Variants in COL9A3 observed in about 807,000 individuals in gnomAD.
COL9A3 encodes collagen type IX alpha 3 chain.
In COL9A3, 82 loss-of-function variants were observed where a neutral mutation model predicts 110.2. The observed-to-expected ratio is 0.74, with a 90% CI of 0.62 to 0.89. The LOEUF is 0.89. Among genes scored for constraint, COL9A3 ranks in the 40% least tolerant of loss-of-function variants. The pLI is 0.00. For synonymous variants in COL9A3, 494 were observed against 403.8 expected (o/e 1.22, Z -2.68); for missense variants, 1,066 against 981.3 (o/e 1.09, Z -1.15).
chr20:62,827,367 G>T, intron 16 of COL9A3, 73 bp downstream of exon 16: 1 of 1,511,578 alleles, frequency 6.6e-7, no homozygotes, highest in South Asian at 1.1e-5. Flanking sequence ...CTCGTGCTGG[G>T]GAGGGGGACA....
At chr20:62,827,342 C>CA in intron 16 of COL9A3, 48 bp downstream of exon 16, 1 of 1,584,206 alleles carries the variant, frequency 6.3e-7, no homozygotes, top group Non-Finnish European at 8.7e-7. Context: ...TGGAAGAACC[C>CA]AATTTCCCTC....
intron 24 of COL9A3, chr20:62,831,595 A>T (rs2063597763): frequency 5.9e-6 from 1 of 170,704 alleles, no homozygotes; most frequent in African/African-American, 2.4e-5. Context: ...CCTCCGAGAG[A>T]TGGCAGGGCT....
chr20:62,824,413 G>T, intron 10 of COL9A3, 32 bp from the exon 11 acceptor site: 3 of 1,582,942 alleles, frequency 1.9e-6, no homozygotes, highest in East Asian at 4.6e-5. Context: ...CTGTTTGGCT[G>T]GGAGGGGTCT....
chr20:62,824,400 G>C, intron 10 of COL9A3, 45 bp from the exon 11 acceptor site: 1 of 1,564,812 alleles, frequency 6.4e-7, no homozygotes, highest in Non-Finnish European at 8.7e-7. Flanking sequence ...CGGACGTCCT[G>C]CTCTGTTTGG....
At position 62,840,632 on chromosome 20, in the gene COL9A3, C is replaced by T; in HGVS notation, c.1955C>T (p.Ala652Val). Residue 652 changes from alanine (A) to valine (V), a missense_variant, in exon 32 of 32, where the codon GCC (alanine) becomes GTC (valine). By Grantham distance (64) the Ala-to-Val change is moderately conservative. Transcript: ENST00000649368. ...CCCGGAGATCCTGGGCTTCCAGGTGCCATTGGGGCCCAGGGGACACCGGGG... is the reference window on the plus strand; with the variant it reads ...CCCGGAGATCCTGGGCTTCCAGGTGTCATTGGGGCCCAGGGGACACCGGGG... ...GPPGDPGLPG[A>V]IGAQGTPGIC... The T allele has an allele frequency of 1.2e-6, 2 of 1,612,082 alleles. No homozygotes were observed. Among genetic ancestry groups the T allele is most frequent in the Non-Finnish European group, 1.7e-6 (2 of 1,179,374 alleles).
At chr20:62,832,090 A>G (rs1225199999) in intron 24 of COL9A3, 64 bp from the exon 25 acceptor site, 1 of 1,518,636 alleles carries the variant, frequency 6.6e-7, no homozygotes, top group Non-Finnish European at 9.1e-7. Context: ...TCCTGGGCCC[A>G]GGGCAGGCTC....
In COL9A3 at chr20:62,828,001, A is replaced by G. The variant is rs112045853; in HGVS notation, c.900+25A>G. The G allele has an allele frequency of 2.4e-4, 386 of 1,612,380 alleles. 3 individuals are homozygous for G. The African/African-American group carries it at 2.7e-3, about 11-fold the overall frequency. On this transcript the variant is annotated intron_variant, in intron 17 of 31. Coordinates refer to ENST00000649368, the MANE Select transcript of COL9A3 (RefSeq NM_001853.4). ...GGTGAGTGCACGTGGCTGCTCATGG[A>G]ATGCTCCTCCCCCGGGTCCTGGGTA...
intron 3 of COL9A3, 90 bp from the exon 4 acceptor site, chr20:62,819,132 G>A: frequency 7.8e-7 from 1 of 1,288,682 alleles, no homozygotes. Flanking sequence ...TTGGGCTGGG[G>A]GGAAGTGGAA....
Position 62,841,064 on chromosome 20 carries a change from A to C in COL9A3, c.*332A>C. 2.1e-5 allele frequency: 6 copies of C among 283,708 alleles called. No homozygotes were observed. The highest frequency in any genetic ancestry group is 8.9e-5 in the East Asian group (1 of 11,196). The allele number at this position is 283,708 out of a possible 1,614,324, so 17.6% of individuals were successfully genotyped here. On this transcript the variant is annotated 3_prime_UTR_variant, in exon 32 of 32. Transcript: ENST00000649368. The stretch of plus-strand genomic sequence containing the variant: ...GCATTTGTGTAAAGACTATGATCTC[A>C]TCCCAATAAAATGATATATTAAACC...
At chr20:62,832,907 C>A in intron 25 of COL9A3, 113 bp from the exon 26 acceptor site, 1 of 1,049,906 alleles carries the variant, frequency 9.5e-7, no homozygotes, top group Non-Finnish European at 1.5e-6. Context: ...CTTTTGGCCT[C>A]GACCTTAAGA....
chr20:62,821,074 C>G, intron 5 of COL9A3, 107 bp from the exon 6 acceptor site: 2 of 1,186,554 alleles, frequency 1.7e-6, no homozygotes, highest in Non-Finnish European at 1.2e-6. Flanking sequence ...GGGACTTGGA[C>G]CCTGTTGTCC....
At position 62,836,247 on chromosome 20, in the gene COL9A3, G is replaced by C; in HGVS notation, c.1462G>C (p.Val488Leu). 6.2e-7 allele frequency: 1 copy of C among 1,613,740 alleles called. No individual in the cohort carries two copies. Among genetic ancestry groups the C allele is most frequent in the Non-Finnish European group, 8.5e-7 (1 of 1,179,998 alleles). ...CCAGGGTCCCAACGGCACCAGCGGTGTTCAGGGTGTCCCCGGGCCCCCCGG... is the reference window on the plus strand; with the variant it reads ...CCAGGGTCCCAACGGCACCAGCGGTCTTCAGGGTGTCCCCGGGCCCCCCGG... ...GTQGPNGTSG[V>L]QGVPGPPGPL... The change falls in exon 28 of 32, where the codon GTT (valine) becomes CTT (leucine). Residue 488 changes from valine to leucine, a missense_variant. By Grantham distance (32) the Val-to-Leu change is conservative. Transcript: ENST00000649368.
At chr20:62,837,023 G>T (rs563700285) in intron 29 of COL9A3, 60 bp from the exon 30 acceptor site, 24 of 1,590,806 alleles carry the variant, frequency 1.5e-5, no homozygotes, top group Non-Finnish European at 1.8e-5. Flanking sequence ...TATGCTTTAC[G>T]TAACAATACT....
At chr20:62,836,772 G>A (rs920630669) in intron 29 of COL9A3, 17 of 621,348 alleles carry the variant, frequency 2.7e-5, no homozygotes, top group Non-Finnish European at 3.9e-5. Context: ...CGCAGCAGAC[G>A]CCCTAAAGCC....
rs749607727 is a variant in COL9A3, at chr20:62,840,544, C to T, written c.1867C>T (p.Pro623Ser). ...GPEGDQGPQG[P>S]QGVPGTSKDG... is the part of the protein sequence containing the mutation. Reference sequence around the variant, plus strand: ...TCACCTTTCTGCTCTGTCCCAAGGACCCCAAGGCGTGCCCGGCACCAGCAA... The same window carrying T: ...TCACCTTTCTGCTCTGTCCCAAGGATCCCAAGGCGTGCCCGGCACCAGCAA... Residue 623 changes from proline to serine, a missense_variant and splice_region_variant, in exon 32 of 32, where the codon CCC (proline) becomes TCC (serine). Coordinates refer to ENST00000649368, the MANE Select transcript of COL9A3 (RefSeq NM_001853.4). 6.2e-7 allele frequency: 1 copy of T among 1,611,636 alleles called. No individual in the cohort carries two copies. Among genetic ancestry groups the T allele is most frequent in the Non-Finnish European group, 8.5e-7 (1 of 1,179,750 alleles).
At chr20:62,836,614 C>T (rs982985322) in intron 29 of COL9A3, 82 bp downstream of exon 29, 82 of 1,406,250 alleles carry the variant, frequency 5.8e-5, no homozygotes, top group Middle Eastern at 2.1e-4. Flanking sequence ...AGAAAGCCTT[C>T]GTGCCACTGC....
At chr20:62,818,035 C>T (rs957524933) in intron 2 of COL9A3, among the ~76,000 whole-genome samples, 1 of 152,170 alleles carries the variant, frequency 6.6e-6, no homozygotes, top group African/African-American at 2.4e-5. Flanking sequence ...GGAGCCGACT[C>T]AGTCCTGAGA....
chr20:62,820,070 G>A (rs1991069376), intron 5 of COL9A3, 88 bp downstream of exon 5: 1 of 1,477,516 alleles, frequency 6.8e-7, no homozygotes, highest in South Asian at 1.1e-5. Flanking sequence ...CAAGGCCAAG[G>A]AGCTGGTAGT....
chr20:62,824,501 G>A lies in COL9A3; in HGVS notation c.576G>A (p.Lys192=). The A allele has an allele frequency of 2.5e-6, 4 of 1,590,846 alleles. No homozygotes were observed. The highest frequency in any genetic ancestry group is 3.4e-6 in the Non-Finnish European group (4 of 1,169,386). ...GGCCCCCTGGAATGCCAGGGTTCAAGGTGAGTCACGGGTGACTGGGACCCA... is the reference window on the plus strand; with the variant it reads ...GGCCCCCTGGAATGCCAGGGTTCAAAGTGAGTCACGGGTGACTGGGACCCA... ...PPGPPGMPGF[K]GPTGYKGEQG... Residue 192 remains lysine (K), a splice_region_variant and synonymous_variant, in exon 11 of 32, where the codon AAG becomes AAA. Coordinates refer to ENST00000649368, the MANE Select transcript of COL9A3 (RefSeq NM_001853.4).
Sources: gnomAD v4.1 joint callset for allele counts (sites outside exome capture counted in the v4.1 genomes callset) on GRCh38, gnomAD v4.1.1 for gene constraint, MANE v1.5 for transcripts, NCBI Gene and HGNC (gene_info 2026-07-23, HGNC 2026-07-21) for gene names.